The following SNTG1 variants were observed in gnomAD, a reference collection of about 807,000 sequenced individuals.
SNTG1 encodes the protein gamma-1-syntrophin.
Under a neutral mutation model 74.7 loss-of-function variants are expected in SNTG1, and 39 were observed. The ratio of observed to expected loss-of-function variants is 0.52; its 90% CI spans 0.40 to 0.68. SNTG1 has a LOEUF of 0.68. SNTG1 is among the 30% of genes least tolerant of loss of function. SNTG1 has a pLI of 0.00. For synonymous variants in SNTG1, 254 were observed against 217.1 expected (o/e 1.17, Z -1.49); for missense variants, 685 against 609.5 (o/e 1.12, Z -1.30).
intron 2 of SNTG1, among the ~76,000 whole-genome samples, chr8:50,232,736 C>A (rs1353498202): frequency 6.6e-6 from 1 of 151,326 alleles, no homozygotes; most frequent in Non-Finnish European, 1.5e-5. Flanking sequence ...TCAGCAAAAA[C>A]CACAAAAATA....
intron 1 of SNTG1, among the ~76,000 whole-genome samples, chr8:49,975,351 G>A (rs1302826070): frequency 2.0e-5 from 3 of 151,988 alleles, no homozygotes; most frequent in East Asian, 1.9e-4. Context: ...AAGAATACCC[G>A]ATTATCTTTG....
At chr8:50,436,922 C>A (rs1342121807) in intron 4 of SNTG1, among the ~76,000 whole-genome samples, 3 of 151,844 alleles carry the variant, frequency 2.0e-5, no homozygotes, top group African/African-American at 7.3e-5. Context: ...ATATATCTTC[C>A]CGTATTTGTG....
At chr8:49,917,148 T>C (rs1469638176) in intron 1 of SNTG1, among the ~76,000 whole-genome samples, 2 of 152,180 alleles carry the variant, frequency 1.3e-5, no homozygotes, top group African/African-American at 2.4e-5. Context: ...ATGCATCCAG[T>C]ACACACAAAA....
Position 50,658,674 on chromosome 8 carries a change from T to A in SNTG1, c.1038+11T>A. On this transcript the variant is annotated intron_variant, in intron 15 of 18. Coordinates refer to ENST00000642720, the MANE Select transcript of SNTG1 (RefSeq NM_018967.5). ...TGCAAGATCCTCAAGGTATGATCAA[T>A]ATGTAGTCAGTATTTGAATGGCTTT... The A allele has an allele frequency of 6.3e-7, 1 of 1,593,976 alleles. No individual in the cohort carries two copies. Among genetic ancestry groups the A allele is most frequent in the Non-Finnish European group, 8.6e-7 (1 of 1,166,450 alleles).
At chr8:50,043,262 AT>A (rs1478175525) in intron 1 of SNTG1, among the ~76,000 whole-genome samples, 1 of 152,228 alleles carries the variant, frequency 6.6e-6, no homozygotes, top group Non-Finnish European at 1.5e-5. Context: ...ATGACTTTTT[AT>A]AAGTAAAGCA....
intron 1 of SNTG1, among the ~76,000 whole-genome samples, chr8:49,997,548 G>A (rs971642724): frequency 6.6e-6 from 1 of 151,870 alleles, no homozygotes; most frequent in African/African-American, 2.4e-5. Context: ...AAATTTTTAA[G>A]GTTACCACCA....
chr8:50,280,963 C>G (rs1405904442), intron 2 of SNTG1, among the ~76,000 whole-genome samples: 4 of 124,256 alleles, frequency 3.2e-5, no homozygotes, highest in East Asian at 4.6e-4. Context: ...ACCATCCTGG[C>G]TAACATGGTG....
chr8:50,653,942 T>C (rs1376120793), intron 13 of SNTG1, among the ~76,000 whole-genome samples: 3 of 152,200 alleles, frequency 2.0e-5, no homozygotes, highest in Non-Finnish European at 4.4e-5. Context: ...ATAAATCGTC[T>C]GCCTTCTATT....
At chr8:50,684,312 A>T (rs2095342980) in intron 15 of SNTG1, among the ~76,000 whole-genome samples, 1 of 152,218 alleles carries the variant, frequency 6.6e-6, no homozygotes, top group African/African-American at 2.4e-5. Context: ...TTAGAGTTCA[A>T]ATCTGGAAGA....
At chr8:50,369,383 G>A (rs1344223638) in intron 2 of SNTG1, among the ~76,000 whole-genome samples, 1 of 152,146 alleles carries the variant, frequency 6.6e-6, no homozygotes, top group Admixed American at 6.5e-5. Flanking sequence ...GATCACATGA[G>A]GTTGAGAGTT....
chr8:50,475,605 C>CG (rs1563439976), intron 8 of SNTG1, among the ~76,000 whole-genome samples: 1 of 152,086 alleles, frequency 6.6e-6, no homozygotes, highest in Non-Finnish European at 1.5e-5. Context: ...ATCTCTTTAC[C>CG]GGCCTCCCAG....
chr8:50,654,638 T>A (rs1409169301), intron 13 of SNTG1, among the ~76,000 whole-genome samples: 1 of 152,194 alleles, frequency 6.6e-6, no homozygotes, highest in African/African-American at 2.4e-5. Flanking sequence ...TGGTTATTTT[T>A]ATTCTCTTCC....
intron 2 of SNTG1, among the ~76,000 whole-genome samples, chr8:50,206,077 T>G (rs2084219558): frequency 6.6e-6 from 1 of 152,216 alleles, no homozygotes; most frequent in South Asian, 2.1e-4. Flanking sequence ...ATATGAACTT[T>G]AAAGTAGTTT....
At chr8:50,510,809 C>G (rs972363909) in intron 9 of SNTG1, among the ~76,000 whole-genome samples, 1 of 151,822 alleles carries the variant, frequency 6.6e-6, no homozygotes, top group Non-Finnish European at 1.5e-5. Flanking sequence ...TCTCTCTTTT[C>G]TTCTTTATTA....
chr8:50,530,267 G>A lies in SNTG1; in HGVS notation c.549+8G>A. ...TACCATCCCAACAATACAGTAAGAT[G>A]ACCCAGGCATAGCTCAGATTAATAA... On this transcript the variant is annotated splice_region_variant and intron_variant, in intron 10 of 18. Transcript: ENST00000642720. The A allele has an allele frequency of 6.2e-7, 1 of 1,613,044 alleles. No individual in the cohort carries two copies.
At chr8:50,485,678 G>T (rs562456048) in intron 8 of SNTG1, among the ~76,000 whole-genome samples, 1 of 150,786 alleles carries the variant, frequency 6.6e-6, no homozygotes. Context: ...AGTTTAATTA[G>T]ATCCCATTTG....
At chr8:50,324,482 G>A (rs1235553317) in intron 2 of SNTG1, among the ~76,000 whole-genome samples, 2 of 152,122 alleles carry the variant, frequency 1.3e-5, no homozygotes, top group Non-Finnish European at 2.9e-5. Context: ...TTCTGCATGT[G>A]GTTGGTTGTT....
chr8:49,982,657 T>TGC (rs2130166232), intron 1 of SNTG1, among the ~76,000 whole-genome samples: 1 of 150,664 alleles, frequency 6.6e-6, no homozygotes, highest in Non-Finnish European at 1.5e-5. Flanking sequence ...TGTGTGTGTG[T>TGC]GTAATTATAT....
intron 2 of SNTG1, among the ~76,000 whole-genome samples, chr8:50,209,576 C>G (rs1404485050): frequency 6.6e-6 from 1 of 152,182 alleles, no homozygotes. Flanking sequence ...ATTTGCTGCT[C>G]TGCAGCCTCC....
Sources: allele counts gnomAD v4.1 joint callset (sites outside exome capture counted in the v4.1 genomes callset), GRCh38; gene constraint gnomAD v4.1.1; transcripts MANE v1.5; gene names NCBI Gene and HGNC (gene_info 2026-07-23, HGNC 2026-07-21).